TLR5: variants seen among roughly 807,000 people sequenced by gnomAD.
The protein encoded by TLR5 is toll-like receptor 5.
For missense variants in TLR5, 944 were observed against 999.8 expected (o/e 0.94, Z 0.75); for synonymous variants, 373 against 384.4 (o/e 0.97, Z 0.35).
chr1:223,142,933 C>T (rs891521525), intron 1 of TLR5, among the ~76,000 whole-genome samples: 1 of 152,198 alleles, frequency 6.6e-6, no homozygotes, highest in Non-Finnish European at 1.5e-5. Flanking sequence ...GTCTCTTCGT[C>T]TCCAACCTGC....
chr1:223,110,341 A>T lies in TLR5; in HGVS notation c.*114T>A. 9.7e-7 allele frequency: 1 copy of T among 1,029,752 alleles called. No individual in the cohort carries two copies. The highest frequency in any genetic ancestry group is 1.4e-5 in the South Asian group (1 of 70,886). The allele number at this position is 1,029,752 out of a possible 1,614,324, so 63.8% of individuals were successfully genotyped here. A position where few individuals can be genotyped will look rare whatever the true frequency, so the allele number is the denominator to read the frequency against. On this transcript the variant is annotated 3_prime_UTR_variant, in exon 6 of 6. Transcript: ENST00000642603. ...ATTGAGAGATTTATGTTGTTTTCATAGTAGCAAAAAGAAAAAAAAAACCTC... is the reference window on the plus strand; with the variant it reads ...ATTGAGAGATTTATGTTGTTTTCATTGTAGCAAAAAGAAAAAAAAAACCTC...
chr1:223,127,020 G>A (rs1343281127), intron 5 of TLR5: 2 of 152,192 alleles, frequency 1.3e-5, no homozygotes, highest in Non-Finnish European at 2.9e-5. Context: ...CTTATGCTTG[G>A]GGAGTTATGG....
At chr1:223,114,626 T>C (rs1003859441) in intron 5 of TLR5, among the ~76,000 whole-genome samples, 10 of 152,066 alleles carry the variant, frequency 6.6e-5, no homozygotes. Flanking sequence ...GGGGCTGATG[T>C]ATGGTGGGGT....
At chr1:223,126,003 G>C (rs1657152391) in intron 5 of TLR5, among the ~76,000 whole-genome samples, 2 of 152,188 alleles carry the variant, frequency 1.3e-5, no homozygotes, top group Non-Finnish European at 1.5e-5. Context: ...CCACTTCTGG[G>C]TGTACACCCA....
intron 5 of TLR5, among the ~76,000 whole-genome samples, chr1:223,118,967 G>A (rs1209508115): frequency 2.0e-5 from 3 of 152,078 alleles, no homozygotes; most frequent in African/African-American, 4.8e-5. Flanking sequence ...AGCCAGGCAT[G>A]GTGGCACGTG....
At chr1:223,113,891 C>T (rs1043726184) in intron 5 of TLR5, among the ~76,000 whole-genome samples, 1 of 152,202 alleles carries the variant, frequency 6.6e-6, no homozygotes, top group East Asian at 1.9e-4. Flanking sequence ...CCGGGTACCC[C>T]GTTCCTAGCC....
intron 1 of TLR5, 45 bp from the exon 2 acceptor site, chr1:223,141,808 TATATATATATATATAGAGAGAGAGAGAG>T (rs1396879903): frequency 4.9e-5 from 4 of 82,168 alleles, no homozygotes; most frequent in East Asian, 7.4e-4. Flanking sequence ...TATATATATA[TATATATATATATATAGAGAGAGAGAGAG>T]AGAGAGAGAG....
chr1:223,121,660 A>T (rs1330959247), intron 5 of TLR5, among the ~76,000 whole-genome samples: 2 of 152,224 alleles, frequency 1.3e-5, no homozygotes, highest in Admixed American at 1.3e-4. Flanking sequence ...CTGGGACCAC[A>T]GGTGCATACC....
Position 223,110,909 on chromosome 1 carries a change from T to C in TLR5, c.2123A>G (p.Gln708Arg). The change falls in exon 6 of 6, where the codon CAG becomes CGG. Residue 708 changes from glutamine to arginine, a missense_variant. Transcript: ENST00000642603. ...CFSSKDFTWV[Q>R]NALLKHLDTQ... Reference sequence around the variant, plus strand: ...GTCCAGGTGTTTGAGCAAAGCATTCTGCACCCATGTGAAGTCTTTGCTGCT... The same window carrying C: ...GTCCAGGTGTTTGAGCAAAGCATTCCGCACCCATGTGAAGTCTTTGCTGCT... The C allele has an allele frequency of 6.2e-7, 1 of 1,614,262 alleles. No homozygotes were observed. Among genetic ancestry groups the C allele is most frequent in the Non-Finnish European group, 8.5e-7 (1 of 1,180,048 alleles).
At chr1:223,142,219 G>C (rs146147870) in intron 1 of TLR5, among the ~76,000 whole-genome samples, 1 of 152,120 alleles carries the variant, frequency 6.6e-6, no homozygotes, top group East Asian at 1.9e-4. Context: ...TAGCATTAGC[G>C]GGGAGTCACC....
At position 223,132,590 on chromosome 1, in the gene TLR5, A is replaced by G. The variant is rs1313214918; in HGVS notation, c.-120T>C. On this transcript the variant is annotated 5_prime_UTR_variant, in exon 5 of 6. Coordinates refer to ENST00000642603, the MANE Select transcript of TLR5 (RefSeq NM_003268.6). ...ATAGGAATCTCATCACAGTGATGGT[A>G]GTCAGTATTTTATTTTTTGGTGAAT... 1 of 152,284 alleles carries G rather than the reference A, an allele frequency of 6.6e-6. No individual in the cohort carries two copies. The highest frequency in any genetic ancestry group is 2.4e-5 in the African/African-American group (1 of 41,436). 9.4% of individuals were successfully genotyped at this position (152,284 alleles called of 1,614,324 possible). A position where few individuals can be genotyped will look rare whatever the true frequency, so the allele number is the denominator to read the frequency against.
At chr1:223,139,947 C>T (rs1315654623) in intron 2 of TLR5, among the ~76,000 whole-genome samples, 1 of 152,186 alleles carries the variant, frequency 6.6e-6, no homozygotes, top group Non-Finnish European at 1.5e-5. Context: ...CTCTTATGTG[C>T]CAGACACCAA....
chr1:223,112,640 A>C lies in TLR5; in HGVS notation c.392T>G (p.Leu131Arg), dbSNP rs1182907164. 1 of 1,614,252 alleles carries C rather than the reference A, an allele frequency of 6.2e-7. No homozygotes were observed. Residue 131 changes from leucine to arginine, a missense_variant, in exon 6 of 6, where the codon CTC becomes CGC. Physicochemically the swap from Leu to Arg is moderately radical, Grantham distance 102. Transcript: ENST00000642603. ...LFELRLYFCG[L>R]SDAVLKDGYF... Reference sequence around the variant, plus strand: ...ACCATCTTTCAATACAGCATCAGAGAGACCACAGAAATACAGTCTAAGTTC... The same window carrying C: ...ACCATCTTTCAATACAGCATCAGAGCGACCACAGAAATACAGTCTAAGTTC...
intron 3 of TLR5, among the ~76,000 whole-genome samples, chr1:223,135,635 C>T (rs1484826052): frequency 6.6e-6 from 1 of 152,182 alleles, no homozygotes; most frequent in African/African-American, 2.4e-5. Flanking sequence ...TCCTTGTTAA[C>T]TCTGAAGTTA....
chr1:223,113,372 A>G (rs1418812784), intron 5 of TLR5, among the ~76,000 whole-genome samples: 3 of 151,740 alleles, frequency 2.0e-5, no homozygotes, highest in Admixed American at 1.3e-4. Context: ...TACCCGGCTA[A>G]TTTTTGTATT....
chr1:223,114,425 A>T (rs776747893), intron 5 of TLR5, among the ~76,000 whole-genome samples: 4 of 152,222 alleles, frequency 2.6e-5, no homozygotes, highest in Non-Finnish European at 5.9e-5. Context: ...AGGAAGAGTT[A>T]TATAGCTCAG....
chr1:223,115,087 T>C (rs1482909637), intron 5 of TLR5, among the ~76,000 whole-genome samples: 1 of 152,206 alleles, frequency 6.6e-6, no homozygotes, highest in African/African-American at 2.4e-5. Context: ...TTCCTCTTTG[T>C]ACAGGGCCCT....
In TLR5 at chr1:223,116,307, C is replaced by A. The variant is rs140616790; in HGVS notation, c.-4-3272G>T. ...GTTTGGACGTGTTCGGAGTTTCTTC[C>A]TTCTGGGGGGCTCATGGCCTCGCTG... On this transcript the variant is annotated intron_variant, in intron 5 of 5. Coordinates refer to ENST00000642603, the MANE Select transcript of TLR5 (RefSeq NM_003268.6). 6.9e-3 allele frequency among the ~76,000 whole-genome samples: 1,048 copies of A among 152,108 alleles called. 5 individuals carry two copies. Among genetic ancestry groups the A allele is most frequent in the Middle Eastern group, 0.014 (4 of 294 alleles).
At position 223,142,976 on chromosome 1, in the gene TLR5, C is replaced by T. The variant is rs111404013; in HGVS notation, c.-555+220G>A. 4.2e-3 allele frequency among the ~76,000 whole-genome samples: 646 copies of T among 152,326 alleles called. 3 individuals are homozygous for T. The highest frequency in any genetic ancestry group is 0.015 in the African/African-American group (608 of 41,584). On this transcript the variant is annotated intron_variant, in intron 1 of 5. Coordinates refer to ENST00000642603, the MANE Select transcript of TLR5 (RefSeq NM_003268.6). ...AGGGCACCCACATGACACGCTCACC[C>T]CGTCCCTGGGCCGAGGGACCCCACG...
Sources: gnomAD v4.1 joint callset for allele counts (sites outside exome capture counted in the v4.1 genomes callset) on GRCh38, gnomAD v4.1.1 for gene constraint, MANE v1.5 for transcripts, NCBI Gene and HGNC (gene_info 2026-07-23, HGNC 2026-07-21) for gene names.